Variants in SPON2 observed in about 807,000 individuals in gnomAD.
The protein encoded by SPON2 is spondin 2.
Under a neutral mutation model 29.9 loss-of-function variants are expected in SPON2, and 32 were observed. The ratio of observed to expected loss-of-function variants is 1.07; its 90% CI spans 0.81 to 1.44. SPON2 has a LOEUF of 1.44. Among genes scored for constraint, SPON2 ranks in the 40% most tolerant of loss-of-function variants. The pLI, the probability that SPON2 is intolerant of heterozygous loss-of-function variation, is 0.00. For synonymous variants in SPON2, 248 were observed against 209.1 expected, an observed-to-expected ratio of 1.19 and a Z score of -1.61; for missense variants, 541 against 455.5, an observed-to-expected ratio of 1.19 and a Z score of -1.71.
At chr4:1,198,715 A>C (rs1354566986), upstream of SPON2, among the ~76,000 whole-genome samples, 1 of 152,162 alleles carries the variant, frequency 6.6e-6, no homozygotes, top group African/African-American at 2.4e-5. Flanking sequence ...CAGGCTTACG[A>C]GGGCAGCGCA....
At chr4:1,170,764 A>G (rs13115935) in intron 4 of SPON2, 188 bp from the exon 5 acceptor site, 937,640 of 952,056 alleles carry the variant, frequency 0.98, 462,616 homozygotes, top group East Asian at 1. Flanking sequence ...AGGAAGGGGC[A>G]GCCTCCTCGG....
Position 1,167,636 on chromosome 4 carries a change from A to G in SPON2, c.832T>C (p.Cys278Arg). ...CAGGACGACCACAGGGAGACCTCGC[A>G]GTCCAGCGGCGTTTCTGGAACTGGA... Reference protein sequence around the residue: ...SASVPETPLDCEVSLWSSWGL... With the variant: ...SASVPETPLDREVSLWSSWGL... The change falls in exon 6 of 6, where the codon TGC (cysteine) becomes CGC (arginine). Residue 278 changes from cysteine to arginine, a missense_variant. Physicochemically the swap from Cys to Arg is radical, Grantham distance 180. Transcript: ENST00000290902. 6.2e-7 allele frequency: 1 copy of G among 1,608,102 alleles called. No individual in the cohort carries two copies. Among genetic ancestry groups the G allele is most frequent in the Admixed American group, 1.7e-5 (1 of 59,458 alleles).
upstream of SPON2, among the ~76,000 whole-genome samples, chr4:1,176,673 C>T (rs993533786): frequency 1.3e-5 from 2 of 152,146 alleles, no homozygotes; most frequent in Non-Finnish European, 2.9e-5. Context: ...ACAGTACATT[C>T]ATTCAATCAT....
Position 1,167,327 on chromosome 4 carries a change from G to A in SPON2, c.*145C>T. On this transcript the variant is annotated 3_prime_UTR_variant, in exon 6 of 6. Coordinates refer to ENST00000290902, the MANE Select transcript of SPON2 (RefSeq NM_012445.4). ...GTGCCGGCCACCAGAGGGCCCTTCAGTGCAGAGATGGTCGGCGCGGCCTCA... is the reference window on the plus strand; with the variant it reads ...GTGCCGGCCACCAGAGGGCCCTTCAATGCAGAGATGGTCGGCGCGGCCTCA... 2 of 829,608 alleles carry A rather than the reference G, an allele frequency of 2.4e-6. No homozygotes were observed. Among genetic ancestry groups the A allele is most frequent in the South Asian group, 3.5e-5 (2 of 56,374 alleles). 51.4% of individuals were successfully genotyped at this position (829,608 alleles called of 1,614,324 possible).
At chr4:1,204,764 G>A (rs903662993) in intron 1 of SPON2, among the ~76,000 whole-genome samples, 2 of 152,290 alleles carry the variant, frequency 1.3e-5, no homozygotes, top group South Asian at 4.1e-4. Flanking sequence ...AGGACAGACC[G>A]GGCTTGTTGC....
exon 1 of SPON2, chr4:1,195,116 C>G (rs1287708720): frequency 2.6e-5 from 4 of 151,086 alleles, no homozygotes; most frequent in Middle Eastern, 3.4e-3. Flanking sequence ...CGGCTCCAAC[C>G]CCGCAGCCGG....
chr4:1,177,643 G>T (rs527465639), upstream of SPON2, among the ~76,000 whole-genome samples: 2 of 152,188 alleles, frequency 1.3e-5, no homozygotes, highest in Non-Finnish European at 1.5e-5. Flanking sequence ...AGGGGGCAGG[G>T]GTCCCAGCTG....
intron 1 of SPON2, chr4:1,200,774 C>A (rs1347676714): frequency 4.4e-6 from 2 of 455,962 alleles, no homozygotes; most frequent in Admixed American, 4.7e-5. Flanking sequence ...TGCAGCCCCC[C>A]ACCCCTCTGG....
In SPON2 at chr4:1,194,485, G is replaced by A. The variant is rs549001020; in HGVS notation, c.-239+505C>T. Among the ~76,000 whole-genome samples, 6 of 151,604 alleles carry A rather than the reference G, an allele frequency of 4.0e-5. No individual in the cohort carries two copies. In the South Asian group the frequency reaches 6.2e-4, roughly 16 times the overall value. ...GGGAGTGGGAAGAAACGGGGAAGCC[G>A]GGCCGCGGTAGCGCAGGCCGCAGGC... On this transcript the variant is annotated intron_variant, in intron 1 of 3. Transcript: ENST00000502483.
At chr4:1,194,403 G>T (rs566780193) in intron 1 of SPON2, among the ~76,000 whole-genome samples, 62 of 152,166 alleles carry the variant, frequency 4.1e-4, no homozygotes, top group Non-Finnish European at 6.5e-4. Context: ...GCCCCCGGGG[G>T]ACAGCGACGG....
At chr4:1,172,974 A>G (rs1422517291), upstream of SPON2, 1 of 144,266 alleles carries the variant, frequency 6.9e-6, no homozygotes, top group East Asian at 2.1e-4. Context: ...TCCCGTTCCA[A>G]CAAGCGCCTT....
In SPON2 at chr4:1,170,391, ATGTC is replaced by A; in HGVS notation, c.811+7_811+10del. 4 of 1,610,354 alleles carry A rather than the reference ATGTC, an allele frequency of 2.5e-6. No individual in the cohort carries two copies. The highest frequency in any genetic ancestry group is 3.4e-6 in the Non-Finnish European group (4 of 1,178,918). On this transcript the variant is annotated splice_region_variant and intron_variant, in intron 5 of 5. Transcript: ENST00000290902. Reference sequence around the variant, plus strand: ...CTGCTGTGTGTCCCATGTGACCTGTATGTCCGTTACCTGAGGCGCTGTCTACAAT... The same window carrying A: ...CTGCTGTGTGTCCCATGTGACCTGTACGTTACCTGAGGCGCTGTCTACAAT...
rs776423854 is a variant in SPON2, at chr4:1,171,062, C to T, written c.573G>A (p.Thr191=). The T allele has an allele frequency of 2.1e-5, 33 of 1,549,668 alleles. No homozygotes were observed. Among genetic ancestry groups the T allele is most frequent in the African/African-American group, 2.7e-5 (2 of 73,156 alleles). The change falls in exon 4 of 6, where the codon ACG becomes ACA. Residue 191 remains threonine, a synonymous_variant. Coordinates refer to ENST00000290902, the MANE Select transcript of SPON2 (RefSeq NM_012445.4). ...ALDLYPYDAG[T]DSGFTFSSPN... is the part of the protein sequence containing the mutation. Reference sequence around the variant, plus strand: ...GGGAGGAGAAGGTGAAGCCGCTGTCCGTCCCGGCGTCGTAGGGGTACAGGT... The same window carrying T: ...GGGAGGAGAAGGTGAAGCCGCTGTCTGTCCCGGCGTCGTAGGGGTACAGGT...
At chr4:1,185,364 C>T (rs1168183371) in intron 1 of SPON2, among the ~76,000 whole-genome samples, 3 of 151,668 alleles carry the variant, frequency 2.0e-5, no homozygotes, top group African/African-American at 4.8e-5. Context: ...GCATAATCCA[C>T]CATGCCCGGC....
intron 1 of SPON2, among the ~76,000 whole-genome samples, chr4:1,183,643 T>C (rs1011331498): frequency 6.6e-6 from 1 of 152,192 alleles, no homozygotes; most frequent in African/African-American, 2.4e-5. Flanking sequence ...AGGCACACAG[T>C]GAATTAAGAT....
intron 1 of SPON2, among the ~76,000 whole-genome samples, chr4:1,184,424 AG>A (rs948826495): frequency 3.3e-5 from 5 of 152,048 alleles, no homozygotes; most frequent in African/African-American, 1.2e-4. Context: ...GGGTGAAAAA[AG>A]GGATTCCAAG....
At chr4:1,174,511 C>A (rs796625362), upstream of SPON2, among the ~76,000 whole-genome samples, 17,658 of 134,136 alleles carry the variant, frequency 0.13, 1,725 homozygotes, top group African/African-American at 0.25. Context: ...AACAAAAAAA[C>A]AAAAAACAAA....
intron 1 of SPON2, chr4:1,172,298 C>T (rs2153077209): frequency 1.7e-6 from 1 of 591,224 alleles, no homozygotes; most frequent in South Asian, 2.0e-5. Flanking sequence ...CCAGGGGTAA[C>T]GGGCAGGTTT....
upstream of SPON2, among the ~76,000 whole-genome samples, chr4:1,175,605 G>A (rs1727578378): frequency 6.6e-6 from 1 of 151,890 alleles, no homozygotes; most frequent in Non-Finnish European, 1.5e-5. Context: ...GTGGTGGTGG[G>A]CCCTGGCCTG....
Sources: allele counts gnomAD v4.1 joint callset (sites outside exome capture counted in the v4.1 genomes callset), GRCh38; gene constraint gnomAD v4.1.1; transcripts MANE v1.5; gene names NCBI Gene and HGNC (gene_info 2026-07-23, HGNC 2026-07-21).